Variants in TRPM3 observed in about 807,000 individuals in gnomAD.
TRPM3 encodes the protein transient receptor potential cation channel subfamily M member 3.
A neutral mutation model predicts 181.2 loss-of-function variants in TRPM3; 77 were observed. The ratio of observed to expected loss-of-function variants is 0.42; its 90% CI spans 0.35 to 0.51. The LOEUF (loss-of-function observed/expected upper bound fraction) is 0.51, where lower values mean the gene tolerates loss of function less well. Ranked by LOEUF, TRPM3 falls within the 20% of genes least tolerant of loss-of-function variation. The pLI, the probability that TRPM3 is intolerant of heterozygous loss-of-function variation, is 0.01. For missense variants in TRPM3, 1,759 were observed against 2,196.7 expected, an observed-to-expected ratio of 0.80 and a Z score of 3.98; for synonymous variants, 745 against 796.4, an observed-to-expected ratio of 0.94 and a Z score of 1.09.
chr9:71,431,593 C>T (rs2093954157), intron 1 of TRPM3, among the ~76,000 whole-genome samples: 2 of 152,156 alleles, frequency 1.3e-5, no homozygotes, highest in Non-Finnish European at 2.9e-5. Context: ...TTTTTATCAT[C>T]TTACCTCTGA....
chr9:71,325,393 T>C (rs2089598445), intron 1 of TRPM3, among the ~76,000 whole-genome samples: 1 of 152,154 alleles, frequency 6.6e-6, no homozygotes, highest in Non-Finnish European at 1.5e-5. Context: ...ACATGTGACC[T>C]TTTATCACAC....
At chr9:71,427,088 AATTG>A (rs1485384886) in intron 1 of TRPM3, among the ~76,000 whole-genome samples, 4 of 152,166 alleles carry the variant, frequency 2.6e-5, no homozygotes, top group Admixed American at 2.6e-4. Context: ...CAAACAACTG[AATTG>A]ATTAATTATA....
At chr9:70,741,272 C>T (rs12552891) in intron 8 of TRPM3, among the ~76,000 whole-genome samples, 33,256 of 152,160 alleles carry the variant, frequency 0.22, 4,465 homozygotes, top group Non-Finnish European at 0.3. Flanking sequence ...TACCACCTTA[C>T]TCCTGCCAGA....
At chr9:71,028,275 T>C (rs950752841) in intron 1 of TRPM3, among the ~76,000 whole-genome samples, 1 of 152,132 alleles carries the variant, frequency 6.6e-6, no homozygotes, top group Non-Finnish European at 1.5e-5. Context: ...GCTGAGGGAA[T>C]TCCATACCAC....
intron 6 of TRPM3, among the ~76,000 whole-genome samples, chr9:70,821,522 G>A (rs558361614): frequency 2.0e-5 from 3 of 152,242 alleles, no homozygotes; most frequent in African/African-American, 2.4e-5. Flanking sequence ...CAGCTACTAT[G>A]TTTCCAGCAA....
chr9:70,941,904 C>G (rs2096889469), intron 1 of TRPM3, among the ~76,000 whole-genome samples: 1 of 152,064 alleles, frequency 6.6e-6, no homozygotes, highest in Non-Finnish European at 1.5e-5. Context: ...ATCCCCAAAT[C>G]TATTTCTTGA....
chr9:71,420,195 G>T (rs1364463948), intron 1 of TRPM3, among the ~76,000 whole-genome samples: 3 of 152,036 alleles, frequency 2.0e-5, no homozygotes, highest in East Asian at 1.9e-4. Flanking sequence ...GCATGGTGGG[G>T]ATGGAAAGTC....
At chr9:71,364,746 A>G (rs1030856841) in intron 1 of TRPM3, among the ~76,000 whole-genome samples, 5 of 152,218 alleles carry the variant, frequency 3.3e-5, no homozygotes, top group African/African-American at 7.2e-5. Flanking sequence ...AATGTCTTCT[A>G]TCATTCTGGG....
intron 3 of TRPM3, among the ~76,000 whole-genome samples, chr9:70,850,074 C>A (rs543949009): frequency 6.6e-6 from 1 of 152,208 alleles, no homozygotes; most frequent in South Asian, 2.1e-4. Context: ...ACAGTTGTTT[C>A]TATATTGATT....
At chr9:70,957,013 T>C (rs1023833559) in intron 1 of TRPM3, among the ~76,000 whole-genome samples, 8 of 149,182 alleles carry the variant, frequency 5.4e-5, no homozygotes, top group African/African-American at 2.0e-4. Context: ...CAGGCTGAAG[T>C]GCAGTGGCAT....
chr9:71,007,081 AAGTC>A lies in TRPM3; in HGVS notation c.177+114093_177+114096del, dbSNP rs1259232209. ...AAAAAAAAGAAAGAAAAAAAAGACT[AAGTC>A]AGGAACAGAAAAAAAAAAAAAGAAA... On this transcript the variant is annotated intron_variant, in intron 1 of 25. Transcript: ENST00000677713. 3.1e-5 allele frequency among the ~76,000 whole-genome samples: 4 copies of A among 130,976 alleles called. No individual in the cohort carries two copies. The East Asian group carries it at 8.8e-4, about 29-fold the overall frequency. 85.9% of individuals were successfully genotyped at this position (130,976 alleles called of 152,430 possible). A position where few individuals can be genotyped will look rare whatever the true frequency, so the allele number is the denominator to read the frequency against.
intron 24 of TRPM3, among the ~76,000 whole-genome samples, chr9:70,550,417 A>C (rs2046195395): frequency 6.6e-6 from 1 of 152,210 alleles, no homozygotes; most frequent in Admixed American, 6.5e-5. Context: ...TGGATCTTTG[A>C]CTTCAATGAG....
At chr9:70,976,023 T>C (rs926858909) in intron 1 of TRPM3, among the ~76,000 whole-genome samples, 1 of 152,188 alleles carries the variant, frequency 6.6e-6, no homozygotes, top group African/African-American at 2.4e-5. Context: ...ATTCCCAGCA[T>C]GAGAGAATTC....
intron 7 of TRPM3, among the ~76,000 whole-genome samples, chr9:70,773,548 T>G (rs2080762991): frequency 6.6e-6 from 1 of 152,208 alleles, no homozygotes; most frequent in Admixed American, 6.5e-5. Flanking sequence ...ATTCCTTTTA[T>G]TCTTCTCTAT....
At chr9:71,231,634 C>T (rs1036897227) in intron 1 of TRPM3, among the ~76,000 whole-genome samples, 33 of 152,262 alleles carry the variant, frequency 2.2e-4, no homozygotes, top group African/African-American at 7.5e-4. Flanking sequence ...TTTGCAGCAA[C>T]ATGATGCAGC....
chr9:71,055,527 AG>A (rs2060563207), intron 1 of TRPM3, among the ~76,000 whole-genome samples: 1 of 152,084 alleles, frequency 6.6e-6, no homozygotes, highest in South Asian at 2.1e-4. Flanking sequence ...GTGGCAGGAA[AG>A]TATTCAACAC....
At chr9:70,543,238 A>G (rs1413643512) in intron 25 of TRPM3, among the ~76,000 whole-genome samples, 1 of 152,104 alleles carries the variant, frequency 6.6e-6, no homozygotes, top group East Asian at 1.9e-4. Context: ...AGGTGTATAT[A>G]TTTATGGAGT....
intron 1 of TRPM3, among the ~76,000 whole-genome samples, chr9:70,940,683 G>C (rs1172448988): frequency 1.3e-5 from 2 of 152,238 alleles, no homozygotes; most frequent in Non-Finnish European, 2.9e-5. Flanking sequence ...AAGGTGGTCA[G>C]GAAGGACTTC....
At chr9:70,830,878 C>T (rs1161810050) in intron 5 of TRPM3, among the ~76,000 whole-genome samples, 1 of 152,180 alleles carries the variant, frequency 6.6e-6, no homozygotes, top group African/African-American at 2.4e-5. Context: ...CCTTCTCCGG[C>T]TCTGCTCTAT....
Sources: gnomAD v4.1 joint callset for allele counts (sites outside exome capture counted in the v4.1 genomes callset) on GRCh38, gnomAD v4.1.1 for gene constraint, MANE v1.5 for transcripts, NCBI Gene and HGNC (gene_info 2026-07-23, HGNC 2026-07-21) for gene names.